Variants in SCUBE1 observed in about 807,000 individuals in gnomAD.
SCUBE1 encodes the protein signal peptide, CUB domain and EGF like domain containing 1.
A neutral mutation model predicts 124.4 loss-of-function variants in SCUBE1; 59 were observed. The observed-to-expected ratio is 0.47, with a 90% CI of 0.38 to 0.59. SCUBE1 has a LOEUF of 0.59. SCUBE1 is among the 20% of genes least tolerant of loss of function. The pLI, the probability that SCUBE1 is intolerant of heterozygous loss-of-function variation, is 0.00. For synonymous variants in SCUBE1, 545 were observed against 550.9 expected, an observed-to-expected ratio of 0.99 and a Z score of 0.15; for missense variants, 1,150 against 1,371.2, an observed-to-expected ratio of 0.84 and a Z score of 2.55.
intron 8 of SCUBE1, among the ~76,000 whole-genome samples, chr22:43,230,755 CAT>C (rs574476962): frequency 6.6e-6 from 1 of 152,314 alleles, no homozygotes; most frequent in East Asian, 1.9e-4. Context: ...CTGGGGCACA[CAT>C]GATTCTGAGG....
intron 4 of SCUBE1, among the ~76,000 whole-genome samples, chr22:43,273,478 C>T (rs1924370105): frequency 1.3e-5 from 2 of 151,496 alleles, no homozygotes; most frequent in African/African-American, 4.8e-5. Flanking sequence ...CGCTGATTTG[C>T]GTCCCCATCC....
At chr22:43,328,396 C>T (rs573955457) in intron 2 of SCUBE1, among the ~76,000 whole-genome samples, 1 of 152,200 alleles carries the variant, frequency 6.6e-6, no homozygotes, top group South Asian at 2.1e-4. Context: ...TCCCCCATCC[C>T]CTTAGGGAAA....
intron 4 of SCUBE1, among the ~76,000 whole-genome samples, chr22:43,274,294 T>C (rs1924410090): frequency 6.6e-6 from 1 of 152,142 alleles, no homozygotes; most frequent in Admixed American, 6.5e-5. Context: ...AATCAATACT[T>C]CCTGAGTATA....
chr22:43,276,444 C>T (rs778837218), intron 4 of SCUBE1, among the ~76,000 whole-genome samples: 5 of 152,206 alleles, frequency 3.3e-5, no homozygotes, highest in East Asian at 1.9e-4. Context: ...AGGCGGGTGA[C>T]GAGGACCTGG....
intron 19 of SCUBE1, among the ~76,000 whole-genome samples, chr22:43,209,011 CAGGGGAACGGGTG>C (rs1444621862): frequency 2.0e-5 from 3 of 148,118 alleles, no homozygotes; most frequent in Non-Finnish European, 3.0e-5. Flanking sequence ...ATGCTGGGGG[CAGGGGAACGGGTG>C]AGGGGAACGG....
At chr22:43,233,608 AC>A (rs1922644285) in intron 7 of SCUBE1, 1 of 152,220 alleles carries the variant, frequency 6.6e-6, no homozygotes, top group Non-Finnish European at 1.5e-5. Context: ...TGTCACTGGC[AC>A]CGCTCTGTAC....
intron 3 of SCUBE1, among the ~76,000 whole-genome samples, chr22:43,304,247 G>A (rs1484260004): frequency 2.0e-5 from 3 of 152,132 alleles, no homozygotes; most frequent in African/African-American, 7.2e-5. Flanking sequence ...CTTTTCTATT[G>A]GCCACATCCA....
chr22:43,288,039 G>A (rs1925212683), intron 4 of SCUBE1, among the ~76,000 whole-genome samples: 1 of 152,200 alleles, frequency 6.6e-6, no homozygotes, highest in African/African-American at 2.4e-5. Flanking sequence ...CTTGTCGTTC[G>A]AGAGCAATCT....
chr22:43,218,152 T>TC (rs1921919402), intron 15 of SCUBE1, 103 bp downstream of exon 15: 3 of 1,097,548 alleles, frequency 2.7e-6, no homozygotes, highest in Non-Finnish European at 4.1e-6. Flanking sequence ...CTCTGTCCCC[T>TC]CCCCAGGTGT....
chr22:43,252,122 C>A (rs549508590), intron 6 of SCUBE1, among the ~76,000 whole-genome samples: 1 of 152,234 alleles, frequency 6.6e-6, no homozygotes, highest in Non-Finnish European at 1.5e-5. Flanking sequence ...ATACTTACTC[C>A]GTTCTTCACC....
chr22:43,298,311 T>A (rs956389491), intron 3 of SCUBE1, among the ~76,000 whole-genome samples: 1 of 152,166 alleles, frequency 6.6e-6, no homozygotes, highest in East Asian at 1.9e-4. Context: ...TGCTTCCTGG[T>A]CTGGGCATCA....
intron 4 of SCUBE1, among the ~76,000 whole-genome samples, chr22:43,264,479 G>A (rs1324162972): frequency 6.6e-6 from 1 of 152,206 alleles, no homozygotes; most frequent in Non-Finnish European, 1.5e-5. Context: ...GGTGGCCAGA[G>A]GCGGCTCTCG....
At chr22:43,253,067 G>A (rs1923518673) in intron 6 of SCUBE1, among the ~76,000 whole-genome samples, 1 of 145,934 alleles carries the variant, frequency 6.9e-6, no homozygotes, top group Admixed American at 6.8e-5. Context: ...GGCAGGATGG[G>A]AACGGTCACC....
At chr22:43,231,214 T>C (rs1046718006) in intron 8 of SCUBE1, among the ~76,000 whole-genome samples, 2 of 152,118 alleles carry the variant, frequency 1.3e-5, no homozygotes, top group African/African-American at 4.8e-5. Context: ...CCCTCAGGCA[T>C]TTCACCAACG....
chr22:43,343,320 G>A lies in SCUBE1; in HGVS notation c.-59C>T, dbSNP rs1927398537. The A allele has an allele frequency of 1.2e-6, 1 of 857,908 alleles. No individual in the cohort carries two copies. The highest frequency in any genetic ancestry group is 1.4e-6 in the Non-Finnish European group (1 of 696,224). The allele number at this position is 857,908 out of a possible 1,614,324, so 53.1% of individuals were successfully genotyped here. ...GCGGGGCGCGGGGACCCGACCGACC[G>A]GCCGCTCCCGCAGGCGCTGCTCGCT... On this transcript the variant is annotated 5_prime_UTR_variant, in exon 1 of 22. Transcript: ENST00000360835.
chr22:43,339,331 TC>T, intron 1 of SCUBE1, 96 bp from the exon 2 acceptor site: 1 of 1,257,300 alleles, frequency 8.0e-7, no homozygotes, highest in Non-Finnish European at 1.1e-6. Flanking sequence ...CCTTTGCCCG[TC>T]CATTGATCGG....
At chr22:43,298,790 C>A (rs943325723) in intron 3 of SCUBE1, among the ~76,000 whole-genome samples, 1 of 152,158 alleles carries the variant, frequency 6.6e-6, no homozygotes, top group African/African-American at 2.4e-5. Context: ...TGGTGGCTCA[C>A]GCCTGTAATC....
intron 6 of SCUBE1, among the ~76,000 whole-genome samples, chr22:43,247,218 A>G (rs2146694636): frequency 6.6e-6 from 1 of 152,338 alleles, no homozygotes; most frequent in African/African-American, 2.4e-5. Flanking sequence ...TACGGGCCAC[A>G]CACAGGGCCA....
intron 3 of SCUBE1, among the ~76,000 whole-genome samples, chr22:43,293,519 A>G (rs1925449568): frequency 6.6e-6 from 1 of 152,256 alleles, no homozygotes; most frequent in Non-Finnish European, 1.5e-5. Context: ...GCTGGAGTCC[A>G]GTGTCAACTT....
Sources: gnomAD v4.1 joint callset for allele counts (sites outside exome capture counted in the v4.1 genomes callset) on GRCh38, gnomAD v4.1.1 for gene constraint, MANE v1.5 for transcripts, NCBI Gene and HGNC (gene_info 2026-07-23, HGNC 2026-07-21) for gene names.